Variants in MDFIC2 observed in about 807,000 individuals in gnomAD.
The protein encoded by MDFIC2 is myoD family inhibitor domain-containing protein 2.
chr3:70,301,047 GT>G (rs1702343718), intron 2 of MDFIC2, among the ~76,000 whole-genome samples: 1 of 152,058 alleles, frequency 6.6e-6, no homozygotes, highest in Middle Eastern at 3.4e-3. Flanking sequence ...TTATGTTATA[GT>G]TTTTCCTCAT....
chr3:70,276,820 A>G (rs534854380), intron 2 of MDFIC2, among the ~76,000 whole-genome samples: 3 of 152,358 alleles, frequency 2.0e-5, no homozygotes, highest in African/African-American at 7.2e-5. Context: ...AATATTTACT[A>G]TCTGCCCCAA....
intron 2 of MDFIC2, among the ~76,000 whole-genome samples, chr3:70,282,454 T>C (rs1702095960): frequency 6.6e-6 from 1 of 152,172 alleles, no homozygotes; most frequent in East Asian, 1.9e-4. Context: ...AAATTTAAAG[T>C]CATATCATGG....
At chr3:70,257,822 T>C (rs1701830937) in intron 2 of MDFIC2, among the ~76,000 whole-genome samples, 1 of 152,178 alleles carries the variant, frequency 6.6e-6, no homozygotes, top group Non-Finnish European at 1.5e-5. Context: ...AGGTAAGCCT[T>C]AACCATTTTG....
In MDFIC2 at chr3:70,197,195, G is replaced by A; in HGVS notation, c.311-10C>T. 1 of 398,458 alleles carries A rather than the reference G, an allele frequency of 2.5e-6. No homozygotes were observed. The highest frequency in any genetic ancestry group is 4.4e-6 in the Non-Finnish European group (1 of 225,990). 24.7% of individuals were successfully genotyped at this position (398,458 alleles called of 1,614,324 possible). On this transcript the variant is annotated splice_polypyrimidine_tract_variant and intron_variant, in intron 3 of 3. Transcript: ENST00000567252. The stretch of plus-strand genomic sequence containing the variant: ...AGGGAGGCACACTCCTCTGTTTAAA[G>A]AAGAAGACCAATTAATAGTGGCACA...
chr3:70,224,958 C>A (rs1229738279), intron 2 of MDFIC2, among the ~76,000 whole-genome samples: 1 of 152,078 alleles, frequency 6.6e-6, no homozygotes, highest in Non-Finnish European at 1.5e-5. Flanking sequence ...TGACTAAATA[C>A]AAGGTTTTCA....
intron 2 of MDFIC2, among the ~76,000 whole-genome samples, chr3:70,290,174 T>C (rs1240988673): frequency 1.3e-5 from 2 of 152,320 alleles, no homozygotes; most frequent in African/African-American, 2.4e-5. Context: ...TTCTGTTTTT[T>C]CCCCATCTTT....
chr3:70,285,052 C>CT (rs962094464), intron 2 of MDFIC2, among the ~76,000 whole-genome samples: 16 of 146,160 alleles, frequency 1.1e-4, no homozygotes, highest in African/African-American at 3.0e-4. Context: ...TTTTTTTTAA[C>CT]TTTTTTTTTC....
chr3:70,300,472 G>C (rs1702336671), intron 2 of MDFIC2, among the ~76,000 whole-genome samples: 1 of 151,934 alleles, frequency 6.6e-6, no homozygotes, highest in African/African-American at 2.4e-5. Context: ...GACAGATAGA[G>C]TTAGATATGT....
At chr3:70,214,502 A>T in intron 2 of MDFIC2, among the ~76,000 whole-genome samples, 1 of 152,024 alleles carries the variant, frequency 6.6e-6, no homozygotes. Flanking sequence ...GGTGAAAAGG[A>T]TTAAAGAGTA....
intron 2 of MDFIC2, among the ~76,000 whole-genome samples, chr3:70,226,793 T>C (rs566866741): frequency 3.8e-4 from 57 of 149,294 alleles, no homozygotes; most frequent in Non-Finnish European, 6.5e-4. Flanking sequence ...AAAAACAAGA[T>C]ATTCTGAAGA....
intron 2 of MDFIC2, among the ~76,000 whole-genome samples, chr3:70,242,082 G>A (rs943741418): frequency 6.6e-6 from 1 of 152,182 alleles, no homozygotes; most frequent in Non-Finnish European, 1.5e-5. Context: ...AAGGGTAAGG[G>A]CCAATGATGT....
chr3:70,284,249 A>G (rs560547149), intron 2 of MDFIC2, among the ~76,000 whole-genome samples: 2 of 152,332 alleles, frequency 1.3e-5, no homozygotes, highest in East Asian at 1.9e-4. Flanking sequence ...GGACAAGGCC[A>G]AGATAAGTGT....
At chr3:70,245,863 G>A (rs948601487) in intron 2 of MDFIC2, among the ~76,000 whole-genome samples, 5 of 150,672 alleles carry the variant, frequency 3.3e-5, no homozygotes, top group African/African-American at 7.3e-5. Context: ...AACAATCTCC[G>A]CAGAAGAGGG....
At chr3:70,220,388 A>G (rs1701451937) in intron 2 of MDFIC2, among the ~76,000 whole-genome samples, 1 of 152,082 alleles carries the variant, frequency 6.6e-6, no homozygotes, top group Non-Finnish European at 1.5e-5. Flanking sequence ...GCAGTGAGCT[A>G]TGATGGCACC....
chr3:70,298,025 G>A (rs1702306328), intron 2 of MDFIC2, among the ~76,000 whole-genome samples: 1 of 151,950 alleles, frequency 6.6e-6, no homozygotes, highest in African/African-American at 2.4e-5. Context: ...GAAAATCAGG[G>A]TCACATCTAA....
At chr3:70,300,498 T>C (rs1559558102) in intron 2 of MDFIC2, among the ~76,000 whole-genome samples, 1 of 152,030 alleles carries the variant, frequency 6.6e-6, no homozygotes, top group East Asian at 1.9e-4. Context: ...TTTCCAGCAA[T>C]GTAGTTATAT....
At chr3:70,291,267 T>C (rs781400202) in intron 2 of MDFIC2, 4 of 152,206 alleles carry the variant, frequency 2.6e-5, no homozygotes, top group Non-Finnish European at 5.9e-5. Flanking sequence ...TCTAGGACTC[T>C]ATTTTCTCAT....
At chr3:70,215,854 T>G (rs1332669200) in intron 2 of MDFIC2, among the ~76,000 whole-genome samples, 1 of 152,094 alleles carries the variant, frequency 6.6e-6, no homozygotes, top group Non-Finnish European at 1.5e-5. Context: ...GACTCATCCT[T>G]AGGGGAGGTT....
At chr3:70,205,654 T>C (rs1197953700) in intron 3 of MDFIC2, 4 of 152,134 alleles carry the variant, frequency 2.6e-5, no homozygotes, top group Non-Finnish European at 5.9e-5. Context: ...TGTCCAGTAC[T>C]GTACAGTTAA....
Sources: gnomAD v4.1 joint callset for allele counts (sites outside exome capture counted in the v4.1 genomes callset) on GRCh38, gnomAD v4.1.1 for gene constraint, MANE v1.5 for transcripts, NCBI Gene and HGNC (gene_info 2026-07-23, HGNC 2026-07-21) for gene names.